METTL24: variants seen among roughly 807,000 people sequenced by gnomAD.
METTL24 encodes the protein methyltransferase like 24.
A neutral mutation model predicts 32.7 loss-of-function variants in METTL24; 29 were observed. That is an observed-to-expected ratio of 0.89 (90% confidence interval 0.66 to 1.21). METTL24 has a LOEUF of 1.21. Among genes scored for constraint, METTL24 ranks in the 50% most tolerant of loss-of-function variants. The probability of loss-of-function intolerance (pLI) is 0.00; values close to 1 mark genes in which losing one functional copy is unlikely to be tolerated. For missense variants in METTL24, 439 were observed against 468.1 expected (o/e 0.94, Z 0.57); for synonymous variants, 163 against 179.5 (o/e 0.91, Z 0.73).
intron 2 of METTL24, among the ~76,000 whole-genome samples, chr6:110,318,494 A>C (rs1562235886): frequency 6.6e-6 from 1 of 151,966 alleles, no homozygotes; most frequent in Admixed American, 6.6e-5. Context: ...CTAAAAAAAA[A>C]CATACAAAAG....
intron 4 of METTL24, chr6:110,253,927 TC>T: frequency 2.0e-6 from 3 of 1,466,090 alleles, no homozygotes; most frequent in South Asian, 2.9e-5. Flanking sequence ...TGACTGCAGG[TC>T]CCCAGGAGGG....
At position 110,244,883 on chromosome 6, in the gene METTL24, G is replaced by A. The variant is rs1778121521; in HGVS notation, c.*1063C>T. 6.6e-6 allele frequency among the ~76,000 whole-genome samples: 1 copy of A among 152,162 alleles called. No individual in the cohort carries two copies. On this transcript the variant is annotated 3_prime_UTR_variant, in exon 5 of 5. Coordinates refer to ENST00000338882, the MANE Select transcript of METTL24 (RefSeq NM_001123364.3). ...TAATCATTAAAGGCCTTACTTCAGT[G>A]AGGAGAGCACAGACCGAAGGAGCCA...
chr6:110,353,721 G>A (rs894653468), intron 1 of METTL24, among the ~76,000 whole-genome samples: 9 of 151,886 alleles, frequency 5.9e-5, no homozygotes, highest in East Asian at 1.9e-4. Flanking sequence ...AAACTTTTTC[G>A]GGAAGCTTGG....
At chr6:110,313,063 A>G (rs1255156266) in intron 3 of METTL24, among the ~76,000 whole-genome samples, 1 of 152,272 alleles carries the variant, frequency 6.6e-6, no homozygotes, top group Non-Finnish European at 1.5e-5. Context: ...TGGAGAGGAC[A>G]TCCCCTGTCA....
intron 4 of METTL24, among the ~76,000 whole-genome samples, chr6:110,285,443 T>TA (rs1771204024): frequency 6.6e-6 from 1 of 152,180 alleles, no homozygotes; most frequent in Non-Finnish European, 1.5e-5. Flanking sequence ...CCCAAGCACC[T>TA]AGAGCCTGTT....
chr6:110,355,821 A>G (rs1772687565), intron 1 of METTL24, among the ~76,000 whole-genome samples: 1 of 151,978 alleles, frequency 6.6e-6, no homozygotes, highest in East Asian at 1.9e-4. Context: ...CACCACCTCC[A>G]CACCTACCAC....
chr6:110,317,515 A>T (rs1479453737), intron 2 of METTL24, among the ~76,000 whole-genome samples: 1 of 152,062 alleles, frequency 6.6e-6, no homozygotes, highest in Non-Finnish European at 1.5e-5. Flanking sequence ...CCAGTGGGAA[A>T]CTAGTTAGTC....
At chr6:110,247,950 T>A (rs1778199407) in intron 4 of METTL24, among the ~76,000 whole-genome samples, 1 of 151,762 alleles carries the variant, frequency 6.6e-6, no homozygotes, top group Non-Finnish European at 1.5e-5. Flanking sequence ...TGGTGAGAGG[T>A]GTTTGGGTCA....
intron 4 of METTL24, among the ~76,000 whole-genome samples, chr6:110,261,867 C>A (rs1770738184): frequency 6.6e-6 from 1 of 152,288 alleles, no homozygotes; most frequent in African/African-American, 2.4e-5. Flanking sequence ...TGAATGACTA[C>A]TGGGTACATA....
chr6:110,344,877 C>G (rs1264060581), intron 1 of METTL24, among the ~76,000 whole-genome samples: 1 of 152,216 alleles, frequency 6.6e-6, no homozygotes. Flanking sequence ...CGAGCAAAGA[C>G]TTCATGACAA....
intron 1 of METTL24, among the ~76,000 whole-genome samples, chr6:110,348,473 G>T (rs1772525403): frequency 1.3e-5 from 2 of 152,162 alleles, no homozygotes; most frequent in South Asian, 2.1e-4. Context: ...GAAGGAAAAG[G>T]CCCCCTTCTA....
chr6:110,305,751 TGTGGAA>T (rs1771616239), intron 3 of METTL24, among the ~76,000 whole-genome samples: 1 of 152,084 alleles, frequency 6.6e-6, no homozygotes, highest in Non-Finnish European at 1.5e-5. Flanking sequence ...GTTCAACCAT[TGTGGAA>T]GACAGTGTGG....
chr6:110,351,791 G>A (rs1427545631), intron 1 of METTL24, among the ~76,000 whole-genome samples: 2 of 152,176 alleles, frequency 1.3e-5, no homozygotes, highest in Non-Finnish European at 2.9e-5. Context: ...AATCCAGTGA[G>A]GTGACCTGTA....
intron 4 of METTL24, among the ~76,000 whole-genome samples, chr6:110,291,214 TA>T (rs1431541831): frequency 6.6e-6 from 1 of 152,162 alleles, no homozygotes; most frequent in Admixed American, 6.5e-5. Flanking sequence ...TTTATCTTTT[TA>T]AAATTTTTTT....
chr6:110,344,113 A>G (rs1268050718), intron 1 of METTL24, among the ~76,000 whole-genome samples: 1 of 152,238 alleles, frequency 6.6e-6, no homozygotes, highest in African/African-American at 2.4e-5. Flanking sequence ...CGGTTATGTT[A>G]TAAGGGTGGG....
At chr6:110,274,802 CTT>C (rs1196371607) in intron 4 of METTL24, among the ~76,000 whole-genome samples, 51 of 90,070 alleles carry the variant, frequency 5.7e-4, no homozygotes, top group African/African-American at 1.8e-3. Flanking sequence ...TTCGTTCTTT[CTT>C]TTTTTTTTTT....
chr6:110,341,874 G>A (rs567763374), intron 1 of METTL24, among the ~76,000 whole-genome samples: 3 of 152,342 alleles, frequency 2.0e-5, no homozygotes, highest in Admixed American at 2.0e-4. Flanking sequence ...TTTGTAGGCT[G>A]GGAGGAGCTA....
intron 4 of METTL24, among the ~76,000 whole-genome samples, chr6:110,274,783 T>G (rs1387610442): frequency 6.6e-6 from 1 of 150,988 alleles, no homozygotes. Context: ...TTTTTTTTTT[T>G]TTTTCCTTTT....
chr6:110,345,572 T>G (rs1772455571), intron 1 of METTL24, among the ~76,000 whole-genome samples: 1 of 152,218 alleles, frequency 6.6e-6, no homozygotes, highest in East Asian at 1.9e-4. Context: ...GTGGTACATA[T>G]ACACCATGGA....
Sources: gnomAD v4.1 joint callset for allele counts (sites outside exome capture counted in the v4.1 genomes callset) on GRCh38, gnomAD v4.1.1 for gene constraint, MANE v1.5 for transcripts, NCBI Gene and HGNC (gene_info 2026-07-23, HGNC 2026-07-21) for gene names.